LINGO1: variants seen among roughly 807,000 people sequenced by gnomAD.
LINGO1 encodes leucine-rich repeat and immunoglobulin-like domain-containing nogo receptor-interacting protein 1.
In LINGO1, 11 loss-of-function variants were observed where a neutral mutation model predicts 37.3. That is an observed-to-expected ratio of 0.29 (90% confidence interval 0.19 to 0.49). The LOEUF is 0.49. LINGO1 is among the 20% of genes least tolerant of loss of function. The pLI is 0.99. For synonymous variants in LINGO1, 387 were observed against 403.0 expected (o/e 0.96, Z 0.48); for missense variants, 585 against 878.2 (o/e 0.67, Z 4.22).
chr15:77,765,312 G>A (rs1050669157), intron 1 of LINGO1, among the ~76,000 whole-genome samples: 2 of 152,104 alleles, frequency 1.3e-5, no homozygotes, highest in Admixed American at 6.5e-5. Context: ...TTACTCTGGA[G>A]GCTGAGACAT....
At chr15:77,700,736 T>G (rs1596129250), upstream of LINGO1, among the ~76,000 whole-genome samples, 1 of 152,096 alleles carries the variant, frequency 6.6e-6, no homozygotes, top group Non-Finnish European at 1.5e-5. Context: ...CAGGGGCGGG[T>G]AGGGGAGGGA....
chr15:77,810,279 T>C (rs9707834), intron 1 of LINGO1, among the ~76,000 whole-genome samples: 6 of 108,586 alleles, frequency 5.5e-5, no homozygotes, highest in South Asian at 3.7e-4. Flanking sequence ...CACACACACA[T>C]ACACAAGCAC....
chr15:77,665,028 G>C (rs923010073), intron 3 of LINGO1, among the ~76,000 whole-genome samples: 1 of 152,100 alleles, frequency 6.6e-6, no homozygotes, highest in Admixed American at 6.5e-5. Flanking sequence ...AGAGGTGGGC[G>C]CACATCTTGG....
chr15:77,794,437 T>C (rs566979353), intron 2 of LINGO1, among the ~76,000 whole-genome samples: 5 of 52,442 alleles, frequency 9.5e-5, no homozygotes, highest in African/African-American at 3.6e-4. Context: ...TGTATATACA[T>C]ACATATATAC....
intron 1 of LINGO1, among the ~76,000 whole-genome samples, chr15:77,622,047 G>A (rs957192562): frequency 1.3e-5 from 2 of 152,180 alleles, no homozygotes; most frequent in South Asian, 2.1e-4. Flanking sequence ...CGCGGTCCTC[G>A]TCTTGCCTTG....
At chr15:77,812,013 T>C (rs1567597174) in intron 1 of LINGO1, among the ~76,000 whole-genome samples, 1 of 151,924 alleles carries the variant, frequency 6.6e-6, no homozygotes, top group African/African-American at 2.4e-5. Flanking sequence ...CTGGTGCTCC[T>C]GGTATGCCTG....
At chr15:77,636,079 TGAG>T (rs1341206970), upstream of LINGO1, among the ~76,000 whole-genome samples, 1 of 152,224 alleles carries the variant, frequency 6.6e-6, no homozygotes, top group Admixed American at 6.5e-5. Context: ...ACTGTACAGA[TGAG>T]AAGACCGAGG....
At chr15:77,818,691 C>T (rs2077068628) in intron 1 of LINGO1, among the ~76,000 whole-genome samples, 1 of 152,110 alleles carries the variant, frequency 6.6e-6, no homozygotes, top group Non-Finnish European at 1.5e-5. Flanking sequence ...CTCCTGCCTG[C>T]AAAGACATCC....
rs72451354 is a variant in LINGO1 at position 77,705,174 on chromosome 15, G to GACACACACACACACAC, written c.-194-14289_-194-14274dup. ...GAAGATACCCCCCTCCCCCTGCCATGACACACACACACACACACACACACA... is the reference window on the plus strand; with the variant it reads ...GAAGATACCCCCCTCCCCCTGCCATGACACACACACACACACACACACACACACACACACACACACA... On this transcript the variant is annotated intron_variant, in intron 2 of 3. Transcript: ENST00000561686. 7.1e-3 allele frequency among the ~76,000 whole-genome samples: 701 copies of GACACACACACACACAC among 99,088 alleles called. 21 individuals are homozygous for GACACACACACACACAC. The highest frequency in any genetic ancestry group is 8.3e-3 in the Non-Finnish European group (388 of 46,972). The allele number at this position is 99,088 out of a possible 152,430, so 65.0% of individuals were successfully genotyped here.
chr15:77,799,445 G>A (rs73455791), intron 1 of LINGO1, among the ~76,000 whole-genome samples: 3,767 of 152,226 alleles, frequency 0.025, 135 homozygotes, highest in African/African-American at 0.086. Context: ...CAGTCCACCT[G>A]GGGCCCACAC....
At chr15:77,811,585 T>C (rs2077006325) in intron 1 of LINGO1, among the ~76,000 whole-genome samples, 1 of 152,210 alleles carries the variant, frequency 6.6e-6, no homozygotes, top group East Asian at 1.9e-4. Context: ...GGCCGGGGCC[T>C]CAGGGCCTTT....
chr15:77,697,803 G>A (rs1035221177), upstream of LINGO1, among the ~76,000 whole-genome samples: 2 of 152,250 alleles, frequency 1.3e-5, no homozygotes, highest in Non-Finnish European at 2.9e-5. Context: ...GATCTTTGAA[G>A]GGGTATTAAA....
intron 1 of LINGO1, among the ~76,000 whole-genome samples, chr15:77,754,437 T>C (rs1044678773): frequency 2.0e-5 from 3 of 152,176 alleles, no homozygotes; most frequent in Admixed American, 6.5e-5. Context: ...CGGCAGAAAC[T>C]CCATAATTAT....
chr15:77,818,600 T>G (rs1280793919), intron 1 of LINGO1, among the ~76,000 whole-genome samples: 1 of 152,036 alleles, frequency 6.6e-6, no homozygotes, highest in Non-Finnish European at 1.5e-5. Flanking sequence ...GCCACCGTCC[T>G]GAGGAGCAGA....
upstream of LINGO1, chr15:77,787,015 T>G (rs1274518787): frequency 6.6e-6 from 1 of 152,178 alleles, no homozygotes; most frequent in Non-Finnish European, 1.5e-5. Context: ...AGGCTGAGCC[T>G]CTCGTGGGAC....
At chr15:77,802,186 A>G (rs1465432737) in intron 1 of LINGO1, among the ~76,000 whole-genome samples, 1 of 152,026 alleles carries the variant, frequency 6.6e-6, no homozygotes, top group African/African-American at 2.4e-5. Flanking sequence ...GCTTACAGAT[A>G]GAGGGCACAT....
intron 1 of LINGO1, among the ~76,000 whole-genome samples, chr15:77,623,958 TCTCTGTGTGTGTGGC>T (rs1251269653): frequency 2.0e-5 from 3 of 148,674 alleles, no homozygotes; most frequent in African/African-American, 7.5e-5. Flanking sequence ...GTGTAAGCAG[TCTCTGTGTGTGTGGC>T]CTGTGTGTGT....
intron 1 of LINGO1, among the ~76,000 whole-genome samples, chr15:77,760,569 TG>T (rs1351731766): frequency 6.6e-6 from 1 of 152,226 alleles, no homozygotes; most frequent in African/African-American, 2.4e-5. Context: ...CTGGGGCTGA[TG>T]GGTGGCCCTC....
chr15:77,792,942 C>G (rs766155811), intron 2 of LINGO1, among the ~76,000 whole-genome samples: 1 of 152,216 alleles, frequency 6.6e-6, no homozygotes, highest in African/African-American at 2.4e-5. Flanking sequence ...CTGGGGCCAA[C>G]AGATGTGCAC....
Sources: allele counts gnomAD v4.1 joint callset (sites outside exome capture counted in the v4.1 genomes callset), GRCh38; gene constraint gnomAD v4.1.1; transcripts MANE v1.5; gene names NCBI Gene and HGNC (gene_info 2026-07-23, HGNC 2026-07-21).